Variants in CHST11 observed in about 807,000 individuals in gnomAD.
The protein encoded by CHST11 is C4S-1.
CHST11 carries 9 observed loss-of-function variants against 30.4 expected under a neutral mutation model. The ratio of observed to expected loss-of-function variants is 0.30; its 90% confidence interval spans 0.18 to 0.52. The LOEUF (loss-of-function observed/expected upper bound fraction) is 0.52, where lower values mean the gene tolerates loss of function less well. Ranked by LOEUF, CHST11 falls within the 20% of genes least tolerant of loss-of-function variation. The pLI is 0.97. For missense variants in CHST11, 348 were observed against 460.6 expected, an observed-to-expected ratio of 0.76 and a Z score of 2.24; for synonymous variants, 152 against 187.8, an observed-to-expected ratio of 0.81 and a Z score of 1.56.
At chr12:104,655,665 G>A (rs1230334152) in intron 2 of CHST11, among the ~76,000 whole-genome samples, 1 of 152,206 alleles carries the variant, frequency 6.6e-6, no homozygotes. Flanking sequence ...CGAGCAATGG[G>A]TAAGAGATGT....
intron 1 of CHST11, among the ~76,000 whole-genome samples, chr12:104,558,748 A>G (rs1437561892): frequency 6.6e-6 from 1 of 151,932 alleles, no homozygotes; most frequent in Admixed American, 6.6e-5. Flanking sequence ...CATGTTGCCA[A>G]GGCTGGTCTT....
chr12:104,680,116 C>A (rs1173912192), intron 2 of CHST11, among the ~76,000 whole-genome samples: 1 of 152,352 alleles, frequency 6.6e-6, no homozygotes, highest in South Asian at 2.1e-4. Context: ...CCCAGGGATA[C>A]AGCAGTGCAT....
intron 1 of CHST11, among the ~76,000 whole-genome samples, chr12:104,471,004 C>G (rs934439869): frequency 1.3e-5 from 2 of 152,112 alleles, no homozygotes; most frequent in Admixed American, 6.5e-5. Context: ...CTCATCCTCT[C>G]TTGGGGCCTG....
At chr12:104,687,116 C>A (rs1431088436) in intron 2 of CHST11, among the ~76,000 whole-genome samples, 2 of 152,244 alleles carry the variant, frequency 1.3e-5, no homozygotes, top group Non-Finnish European at 2.9e-5. Context: ...ACCTTTCTGG[C>A]CTTGCCAAGT....
rs80027439 is a variant in CHST11 at position 104,536,800 on chromosome 12, T to C, written c.119-65106T>C. Among the ~76,000 whole-genome samples the C allele has an allele frequency of 4.2e-4, 64 of 152,308 alleles. No individual in the cohort carries two copies. The East Asian group carries it at 9.7e-3, about 23-fold the overall frequency. On this transcript the variant is annotated intron_variant, in intron 1 of 2. Transcript: ENST00000303694. Reference sequence around the variant, plus strand: ...TTTATGTCCCATCTCCCCTGGTGGTTGTATGTTCCTTTGAAAGAGCCTCCC... The same window carrying C: ...TTTATGTCCCATCTCCCCTGGTGGTCGTATGTTCCTTTGAAAGAGCCTCCC...
At chr12:104,708,649 A>G (rs976408018) in intron 2 of CHST11, among the ~76,000 whole-genome samples, 1 of 151,902 alleles carries the variant, frequency 6.6e-6, no homozygotes, top group African/African-American at 2.4e-5. Context: ...TGCCGTCCTC[A>G]CCATCTCTGG....
intron 2 of CHST11, among the ~76,000 whole-genome samples, chr12:104,613,451 G>T (rs574177659): frequency 2.6e-4 from 39 of 152,058 alleles, no homozygotes; most frequent in Non-Finnish European, 4.9e-4. Flanking sequence ...GTAGTCCCCA[G>T]TGTTGGAGGA....
chr12:104,658,074 A>C (rs73388158), intron 2 of CHST11, among the ~76,000 whole-genome samples: 25 of 152,174 alleles, frequency 1.6e-4, no homozygotes, highest in African/African-American at 5.3e-4. Context: ...TTTTACAAGC[A>C]TGCTGTGTGG....
At chr12:104,516,123 C>A (rs551651276) in intron 1 of CHST11, among the ~76,000 whole-genome samples, 14 of 152,252 alleles carry the variant, frequency 9.2e-5, no homozygotes, top group Non-Finnish European at 1.9e-4. Context: ...TGAACAAAAT[C>A]TTTGTTGCTG....
intron 2 of CHST11, among the ~76,000 whole-genome samples, chr12:104,625,395 C>T (rs1255274598): frequency 2.6e-5 from 4 of 152,174 alleles, no homozygotes; most frequent in Non-Finnish European, 5.9e-5. Context: ...ACCTCTGCCT[C>T]CCGGGTTCAA....
chr12:104,602,067 G>T lies in CHST11; in HGVS notation c.204+76G>T, dbSNP rs147480406. The T allele has an allele frequency of 2.4e-5, 25 of 1,038,960 alleles. No individual in the cohort carries two copies. In the African/African-American group the frequency reaches 3.9e-4, roughly 16 times the overall value. 64.4% of individuals were successfully genotyped at this position (1,038,960 alleles called of 1,614,324 possible). On this transcript the variant is annotated intron_variant, in intron 2 of 2. Transcript: ENST00000303694. ...TGGATACTAAAAACTCTAAAATTGT[G>T]GTCTTTGGGGGATTTAAAACTTCCT...
At chr12:104,475,689 T>TATATATAA (rs1232136682) in intron 1 of CHST11, among the ~76,000 whole-genome samples, 6 of 77,562 alleles carry the variant, frequency 7.7e-5, no homozygotes, top group African/African-American at 2.2e-4. Context: ...TATATATATA[T>TATATATAA]ATTTCTGATT....
intron 2 of CHST11, among the ~76,000 whole-genome samples, chr12:104,721,256 G>T (rs2040173560): frequency 6.6e-6 from 1 of 152,138 alleles, no homozygotes; most frequent in Non-Finnish European, 1.5e-5. Context: ...TAAGTCTCTG[G>T]TGGGGCTTAT....
At chr12:104,697,095 G>T (rs1328081677) in intron 2 of CHST11, among the ~76,000 whole-genome samples, 1 of 152,166 alleles carries the variant, frequency 6.6e-6, no homozygotes, top group African/African-American at 2.4e-5. Flanking sequence ...GTGCATGTCT[G>T]CCTTCAGATG....
intron 2 of CHST11, among the ~76,000 whole-genome samples, chr12:104,653,925 A>G (rs2039518424): frequency 6.6e-6 from 1 of 152,166 alleles, no homozygotes; most frequent in African/African-American, 2.4e-5. Flanking sequence ...TTTCACCTGC[A>G]GGGGGCCAAG....
chr12:104,480,684 CAT>C (rs1475710837), intron 1 of CHST11, among the ~76,000 whole-genome samples: 1 of 151,640 alleles, frequency 6.6e-6, no homozygotes, highest in East Asian at 1.9e-4. Flanking sequence ...CAGAAACACA[CAT>C]AAGACCGTGT....
At chr12:104,546,109 T>C (rs79575461) in intron 1 of CHST11, among the ~76,000 whole-genome samples, 345 of 152,252 alleles carry the variant, frequency 2.3e-3, no homozygotes, top group African/African-American at 8.2e-3. Flanking sequence ...GGAGCCAACA[T>C]TGTTGAATCA....
At chr12:104,529,568 GCAGGTTCCA>G (rs2038160388) in intron 1 of CHST11, among the ~76,000 whole-genome samples, 2 of 152,334 alleles carry the variant, frequency 1.3e-5, no homozygotes, top group South Asian at 4.1e-4. Context: ...GACTGGTTCT[GCAGGTTCCA>G]CAATGATCAG....
intron 2 of CHST11, among the ~76,000 whole-genome samples, chr12:104,721,647 C>T (rs1386538027): frequency 6.6e-6 from 1 of 152,114 alleles, no homozygotes; most frequent in African/African-American, 2.4e-5. Context: ...TGTACAGCGT[C>T]CCTGGTATAA....
Sources: gnomAD v4.1 joint callset for allele counts (sites outside exome capture counted in the v4.1 genomes callset) on GRCh38, gnomAD v4.1.1 for gene constraint, MANE v1.5 for transcripts, NCBI Gene and HGNC (gene_info 2026-07-23, HGNC 2026-07-21) for gene names.